The following WDR59 variants were observed in gnomAD, a reference collection of about 807,000 sequenced individuals.
WDR59 encodes the protein GATOR2 complex protein WDR59.
A neutral mutation model predicts 131.2 loss-of-function variants in WDR59; 100 were observed. That is an observed-to-expected ratio of 0.76 (90% confidence interval 0.65 to 0.90). The LOEUF (loss-of-function observed/expected upper bound fraction) is 0.90. Ranked by LOEUF, WDR59 falls within the 40% of genes least tolerant of loss-of-function variation. The pLI is 0.00. For missense variants in WDR59, 1,203 were observed against 1,262.2 expected (o/e 0.95, Z 0.71); for synonymous variants, 601 against 466.2 (o/e 1.29, Z -3.72).
At chr16:74,878,335 A>T (rs924390941) in intron 25 of WDR59, among the ~76,000 whole-genome samples, 1 of 152,208 alleles carries the variant, frequency 6.6e-6, no homozygotes, top group Non-Finnish European at 1.5e-5. Context: ...TTTATTTTTT[A>T]AATTTGTTTT....
At chr16:74,956,715 A>C in intron 2 of WDR59, 105 bp from the exon 3 acceptor site, 1 of 1,398,098 alleles carries the variant, frequency 7.2e-7, no homozygotes, top group Non-Finnish European at 9.7e-7. Flanking sequence ...GCAGTGCTCC[A>C]AAAAACCCAA....
chr16:74,887,961 C>G (rs1964848256), intron 22 of WDR59, among the ~76,000 whole-genome samples: 1 of 151,810 alleles, frequency 6.6e-6, no homozygotes, highest in East Asian at 1.9e-4. Flanking sequence ...CTACTAAAAC[C>G]ACAAAAATAT....
chr16:74,932,004 T>C (rs1246841880), intron 8 of WDR59, among the ~76,000 whole-genome samples: 1 of 151,748 alleles, frequency 6.6e-6, no homozygotes, highest in Non-Finnish European at 1.5e-5. Context: ...AATTTCAAAA[T>C]CTTTAAGACC....
Position 74,920,008 on chromosome 16 carries a change from C to A in WDR59, c.886+1939G>T, listed in dbSNP as rs1413884386. On this transcript the variant is annotated intron_variant, in intron 10 of 25. Coordinates refer to ENST00000262144, the MANE Select transcript of WDR59 (RefSeq NM_030581.4). ...ACTGCTCGAGCCCAGGAGGTCGAGG[C>A]TGCAGTGAGCCATGCTCGTGCCTGC... Among the ~76,000 whole-genome samples, 8 of 150,430 alleles carry A rather than the reference C, an allele frequency of 5.3e-5. No individual in the cohort carries two copies. In the East Asian group the frequency reaches 1.6e-3, roughly 29 times the overall value.
At chr16:74,880,706 A>G (rs1030128405) in intron 25 of WDR59, among the ~76,000 whole-genome samples, 2 of 152,208 alleles carry the variant, frequency 1.3e-5, no homozygotes. Flanking sequence ...TAGAGGTGAA[A>G]TGAATCATTC....
chr16:74,875,371 T>G (rs77917453), intron 25 of WDR59, among the ~76,000 whole-genome samples: 2,667 of 152,322 alleles, frequency 0.018, 57 homozygotes, highest in African/African-American at 0.057. Context: ...GTGGGGACTG[T>G]GTCCCATCGC....
intron 25 of WDR59, among the ~76,000 whole-genome samples, chr16:74,881,199 T>C (rs1964464519): frequency 6.6e-6 from 1 of 152,200 alleles, no homozygotes; most frequent in African/African-American, 2.4e-5. Context: ...GAGCCCCGTC[T>C]GTAAATATTG....
intron 11 of WDR59, among the ~76,000 whole-genome samples, chr16:74,916,923 A>G (rs1286241026): frequency 1.3e-5 from 2 of 152,202 alleles, no homozygotes; most frequent in Non-Finnish European, 2.9e-5. Flanking sequence ...TTTGGAAAAA[A>G]CAGATTGAAA....
At chr16:74,965,960 G>T in intron 1 of WDR59, 138 bp from the exon 2 acceptor site, 1 of 744,002 alleles carries the variant, frequency 1.3e-6, no homozygotes, top group Non-Finnish European at 2.2e-6. Context: ...TACAGTGGAT[G>T]CTTCTACCCA....
At position 74,977,202 on chromosome 16, in the gene WDR59, T is replaced by C. The variant is rs182971379; in HGVS notation, c.54+7762A>G. On this transcript the variant is annotated intron_variant, in intron 1 of 25. Transcript: ENST00000262144. Reference sequence around the variant, plus strand: ...AGTGCACCATGATCGTGACTGTGAATAGGCACTCCAGCCACAGTAACAGCG... The same window carrying C: ...AGTGCACCATGATCGTGACTGTGAACAGGCACTCCAGCCACAGTAACAGCG... 3.4e-3 allele frequency among the ~76,000 whole-genome samples: 510 copies of C among 151,448 alleles called. 3 individuals are homozygous for C. Among genetic ancestry groups the C allele is most frequent in the African/African-American group, 0.012 (479 of 41,268 alleles).
intron 8 of WDR59, among the ~76,000 whole-genome samples, chr16:74,928,680 T>C (rs934153010): frequency 6.6e-6 from 1 of 152,006 alleles, no homozygotes; most frequent in African/African-American, 2.4e-5. Context: ...GGCGGGCAGA[T>C]CACTTGAGGT....
intron 8 of WDR59, among the ~76,000 whole-genome samples, chr16:74,928,970 C>T (rs1467291240): frequency 1.3e-5 from 2 of 152,118 alleles, no homozygotes; most frequent in Non-Finnish European, 1.5e-5. Flanking sequence ...ATCTATGTGA[C>T]AAGGGATTAA....
chr16:74,958,490 G>A (rs1027721675), intron 2 of WDR59, among the ~76,000 whole-genome samples: 15 of 148,494 alleles, frequency 1.0e-4, no homozygotes, highest in South Asian at 4.3e-4. Flanking sequence ...CCACTCAGGA[G>A]GCTGAGGCAG....
At chr16:74,977,640 A>G (rs1329947012) in intron 1 of WDR59, among the ~76,000 whole-genome samples, 1 of 152,198 alleles carries the variant, frequency 6.6e-6, no homozygotes, top group Non-Finnish European at 1.5e-5. Context: ...GTGAGCTGAG[A>G]TCGTGCCACT....
chr16:74,895,200 G>GT (rs1026042736), intron 18 of WDR59, among the ~76,000 whole-genome samples: 1 of 152,192 alleles, frequency 6.6e-6, no homozygotes. Context: ...TCTGTGAACT[G>GT]TTTATCATCA....
At chr16:74,953,077 G>C (rs953597887) in intron 3 of WDR59, among the ~76,000 whole-genome samples, 6 of 152,110 alleles carry the variant, frequency 3.9e-5, no homozygotes, top group Non-Finnish European at 8.8e-5. Flanking sequence ...TTATAGATGA[G>C]GCAAGCAAGG....
rs775441171 is a variant in WDR59 at position 74,985,041 on chromosome 16, C to A, written c.-24G>T. On this transcript the variant is annotated 5_prime_UTR_variant, in exon 1 of 26. Coordinates refer to ENST00000262144, the MANE Select transcript of WDR59 (RefSeq NM_030581.4). ...ATCTCCCCCGCCCGGCCGCCGCGGC[C>A]CCAGGACGGCGCCCTCCCACCCCGC... 1.3e-6 allele frequency: 2 copies of A among 1,557,074 alleles called. No individual in the cohort carries two copies. Among genetic ancestry groups the A allele is most frequent in the Non-Finnish European group, 1.7e-6 (2 of 1,149,910 alleles).
intron 25 of WDR59, among the ~76,000 whole-genome samples, chr16:74,884,755 C>T (rs1964672515): frequency 1.3e-5 from 2 of 152,168 alleles, no homozygotes; most frequent in South Asian, 4.1e-4. Context: ...CCAACCACAC[C>T]ACGCCACCTT....
rs557786213 is a variant in WDR59, at chr16:74,872,811, G to C, written c.*1398C>G. ...TGCAGCGGTGCAATCAAGGCTCACT[G>C]CAGCCTCAACCTCCTGGACTCAAGT... On this transcript the variant is annotated 3_prime_UTR_variant, in exon 26 of 26. Transcript: ENST00000262144. 6.6e-6 allele frequency: 1 copy of C among 152,022 alleles called. No homozygotes were observed. The highest frequency in any genetic ancestry group is 2.1e-4 in the South Asian group (1 of 4,778). The allele number at this position is 152,022 out of a possible 1,614,324, so 9.4% of individuals were successfully genotyped here.
Sources: gnomAD v4.1 joint callset for allele counts (sites outside exome capture counted in the v4.1 genomes callset) on GRCh38, gnomAD v4.1.1 for gene constraint, MANE v1.5 for transcripts, NCBI Gene and HGNC (gene_info 2026-07-23, HGNC 2026-07-21) for gene names.